Variants in OTUD7A observed in about 807,000 individuals in gnomAD.
OTUD7A encodes the protein OTU domain-containing protein 7A.
A neutral mutation model predicts 65.7 loss-of-function variants in OTUD7A; 12 were observed. That is an observed-to-expected ratio of 0.18 (90% CI 0.12 to 0.30). The LOEUF (loss-of-function observed/expected upper bound fraction) is 0.30. Ranked by LOEUF, OTUD7A falls within the 10% of genes least tolerant of loss-of-function variation. The probability of loss-of-function intolerance (pLI) is 1.00; values close to 1 mark genes in which losing one functional copy is unlikely to be tolerated. For synonymous variants in OTUD7A, 641 were observed against 586.3 expected (o/e 1.09, Z -1.35); for missense variants, 1,148 against 1,304.8 (o/e 0.88, Z 1.85).
intron 3 of OTUD7A, among the ~76,000 whole-genome samples, chr15:31,639,889 A>G (rs4383102): frequency 0.82 from 124,342 of 152,106 alleles, 51,526 homozygotes; most frequent in African/African-American, 0.96. Flanking sequence ...AGTCATGAGA[A>G]CTCTTTACAT....
Position 31,860,681 on chromosome 15 carries a change from A to G in OTUD7A, c.-100+9826T>C, listed in dbSNP as rs59293856. Among the ~76,000 whole-genome samples, 224 of 108,778 alleles carry G rather than the reference A, an allele frequency of 2.1e-3. 1 individual carries two copies. The highest frequency in any genetic ancestry group is 9.2e-3 in the Middle Eastern group (2 of 218). 71.4% of individuals were successfully genotyped at this position (108,778 alleles called of 152,430 possible). A position where few individuals can be genotyped will look rare whatever the true frequency, so the allele number is the denominator to read the frequency against. On this transcript the variant is annotated intron_variant, in intron 1 of 12. Coordinates refer to ENST00000307050, the MANE Select transcript of OTUD7A (RefSeq NM_001382637.1). ...TGTATATATAGATGTATGTGTGTAT[A>G]TATATATATATATATATATGTATGT...
At chr15:31,658,358 A>G (rs550324843) in intron 1 of OTUD7A, among the ~76,000 whole-genome samples, 1 of 152,306 alleles carries the variant, frequency 6.6e-6, no homozygotes, top group South Asian at 2.1e-4. Flanking sequence ...GAAGGCAGGA[A>G]TAAGGGGCCT....
intron 1 of OTUD7A, among the ~76,000 whole-genome samples, chr15:31,692,041 A>G (rs1165261739): frequency 8.3e-5 from 3 of 35,952 alleles, no homozygotes; most frequent in African/African-American, 1.5e-4. Flanking sequence ...TCTAGTTAGA[A>G]TTGGCTTTTA....
At chr15:31,530,074 G>A (rs2042065877) in intron 6 of OTUD7A, among the ~76,000 whole-genome samples, 1 of 152,184 alleles carries the variant, frequency 6.6e-6, no homozygotes, top group African/African-American at 2.4e-5. Flanking sequence ...TGATCGGGAA[G>A]CTCACGTCTC....
At chr15:31,767,523 C>CAAA (rs1895122686) in intron 1 of OTUD7A, 1 of 771,488 alleles carries the variant, frequency 1.3e-6, no homozygotes. Flanking sequence ...TATAACTACT[C>CAAA]CATGTTTACT....
At chr15:31,658,105 C>T (rs1269976898) in intron 1 of OTUD7A, among the ~76,000 whole-genome samples, 1 of 152,142 alleles carries the variant, frequency 6.6e-6, no homozygotes, top group Non-Finnish European at 1.5e-5. Context: ...TTTGTGTGAC[C>T]TTGGGCATGT....
intron 3 of OTUD7A, among the ~76,000 whole-genome samples, chr15:31,646,309 G>A (rs1891661847): frequency 6.6e-6 from 1 of 152,096 alleles, no homozygotes; most frequent in African/African-American, 2.4e-5. Context: ...GGGGGGCACG[G>A]GGGAATGGGG....
intron 3 of OTUD7A, among the ~76,000 whole-genome samples, chr15:31,610,282 A>G (rs1890362429): frequency 6.6e-6 from 1 of 152,030 alleles, no homozygotes; most frequent in African/African-American, 2.4e-5. Context: ...TGCACCTAAC[A>G]CCGGAGCTCC....
chr15:31,688,322 A>G (rs1892887753), intron 1 of OTUD7A, among the ~76,000 whole-genome samples: 1 of 152,194 alleles, frequency 6.6e-6, no homozygotes, highest in Non-Finnish European at 1.5e-5. Flanking sequence ...GATGTGCTGG[A>G]AAGAGAAATG....
At chr15:31,518,240 G>A (rs929983360) in intron 8 of OTUD7A, among the ~76,000 whole-genome samples, 2 of 152,144 alleles carry the variant, frequency 1.3e-5, no homozygotes, top group African/African-American at 4.8e-5. Context: ...TTGGGAGGCC[G>A]AGGCGGGTGG....
Position 31,482,895 on chromosome 15 carries a change from C to T in OTUD7A, c.*399G>A, listed in dbSNP as rs1390667100. On this transcript the variant is annotated 3_prime_UTR_variant, in exon 13 of 13. Coordinates refer to ENST00000307050, the MANE Select transcript of OTUD7A (RefSeq NM_001382637.1). ...ACCAACCGCGCACAAGGGACCGCTA[C>T]CTGGAAGAGGTCATCGCTAGGGTAG... is the stretch of plus-strand genomic sequence containing the variant. The T allele has an allele frequency of 6.6e-6, 1 of 151,338 alleles. No homozygotes were observed. Among genetic ancestry groups the T allele is most frequent in the East Asian group, 1.9e-4 (1 of 5,148 alleles). The allele number at this position is 151,338 out of a possible 1,614,324, so 9.4% of individuals were successfully genotyped here. A position where few individuals can be genotyped will look rare whatever the true frequency, so the allele number is the denominator to read the frequency against.
In OTUD7A at chr15:31,793,011, C is replaced by T. The variant is rs370662710; in HGVS notation, c.-100+77496G>A. Reference sequence around the variant, plus strand: ...GACACCACGTGCCTCACACCACACACCAATTGACAGATGGCGTGTGGGCAC... The same window carrying T: ...GACACCACGTGCCTCACACCACACATCAATTGACAGATGGCGTGTGGGCAC... On this transcript the variant is annotated intron_variant, in intron 1 of 12. Transcript: ENST00000307050. Among the ~76,000 whole-genome samples the T allele has an allele frequency of 3.2e-4, 49 of 152,318 alleles. No individual in the cohort carries two copies. In the South Asian group the frequency reaches 9.3e-3, roughly 29 times the overall value.
At chr15:31,629,145 G>A (rs914199020) in intron 3 of OTUD7A, among the ~76,000 whole-genome samples, 3 of 152,136 alleles carry the variant, frequency 2.0e-5, no homozygotes, top group Non-Finnish European at 4.4e-5. Flanking sequence ...TCGGAGTGGT[G>A]AGAGAGGGCA....
chr15:31,800,456 C>T (rs1030744115), intron 1 of OTUD7A, among the ~76,000 whole-genome samples: 10 of 152,164 alleles, frequency 6.6e-5, no homozygotes, highest in African/African-American at 2.2e-4. Flanking sequence ...GAGCTTCAAG[C>T]TCATTGTGTG....
intron 3 of OTUD7A, among the ~76,000 whole-genome samples, chr15:31,579,772 C>G (rs1889316863): frequency 6.6e-6 from 1 of 152,188 alleles, no homozygotes; most frequent in African/African-American, 2.4e-5. Flanking sequence ...TCCACAGTTT[C>G]AATACATATA....
At chr15:31,537,331 C>T (rs942448498) in intron 5 of OTUD7A, among the ~76,000 whole-genome samples, 9 of 152,126 alleles carry the variant, frequency 5.9e-5, no homozygotes, top group South Asian at 2.1e-4. Flanking sequence ...AAAATAACTG[C>T]GCCCTTAATT....
At chr15:31,800,040 A>G (rs920767966) in intron 1 of OTUD7A, among the ~76,000 whole-genome samples, 1 of 152,166 alleles carries the variant, frequency 6.6e-6, no homozygotes, top group African/African-American at 2.4e-5. Context: ...AAACCGCAGA[A>G]AGTGAGAAGG....
intron 1 of OTUD7A, among the ~76,000 whole-genome samples, chr15:31,802,927 C>T (rs1313012576): frequency 6.6e-6 from 1 of 152,102 alleles, no homozygotes; most frequent in Non-Finnish European, 1.5e-5. Context: ...TCCACAGTGA[C>T]GTGGAAGGAG....
chr15:31,526,765 C>G (rs1471964670), intron 7 of OTUD7A, among the ~76,000 whole-genome samples: 4 of 152,202 alleles, frequency 2.6e-5, no homozygotes, highest in Non-Finnish European at 4.4e-5. Context: ...CGTTCAGATT[C>G]TTCTAGGAGA....
Sources: gnomAD v4.1 joint callset for allele counts (sites outside exome capture counted in the v4.1 genomes callset) on GRCh38, gnomAD v4.1.1 for gene constraint, MANE v1.5 for transcripts, NCBI Gene and HGNC (gene_info 2026-07-23, HGNC 2026-07-21) for gene names.